Variants in NUP214 observed in about 807,000 individuals in gnomAD.
NUP214 encodes nuclear pore complex protein Nup214.
In NUP214, 79 loss-of-function variants were observed where a neutral mutation model predicts 196.2. The observed-to-expected ratio is 0.40, with a 90% CI of 0.34 to 0.49. The LOEUF (loss-of-function observed/expected upper bound fraction) is 0.49, where lower values mean the gene tolerates loss of function less well. Among genes scored for constraint, NUP214 ranks in the 20% least tolerant of loss-of-function variants. The pLI is 0.58. For synonymous variants in NUP214, 1,020 were observed against 990.5 expected (o/e 1.03, Z -0.56); for missense variants, 2,468 against 2,539.0 (o/e 0.97, Z 0.60).
intron 27 of NUP214, among the ~76,000 whole-genome samples, chr9:131,194,430 G>C (rs184385636): frequency 1.3e-5 from 2 of 152,038 alleles, no homozygotes; most frequent in East Asian, 1.9e-4. Context: ...TAGAAACAGG[G>C]TTCCACCATG....
Position 131,163,121 on chromosome 9 carries a change from A to T in NUP214, c.2671A>T (p.Thr891Ser), listed in dbSNP as rs1832690725. The T allele has an allele frequency of 1.2e-6, 2 of 1,614,044 alleles. No individual in the cohort carries two copies. The highest frequency in any genetic ancestry group is 1.7e-6 in the Non-Finnish European group (2 of 1,180,020). ...TCAGCAGCTCCGCCTTTACAAACAGACTTCCCTGTGGAGCCTGTCCTCGGC... is the reference window on the plus strand; with the variant it reads ...TCAGCAGCTCCGCCTTTACAAACAGTCTTCCCTGTGGAGCCTGTCCTCGGC... Reference protein sequence around the residue: ...SLQQLRLYKQTSLWSLSSAVP... With the variant: ...SLQQLRLYKQSSLWSLSSAVP... Residue 891 changes from threonine to serine, a missense_variant, in exon 19 of 36, where the codon ACT becomes TCT. By Grantham distance (58) the Thr-to-Ser change is moderately conservative (BLOSUM62 1). This residue lies in a region of NUP214 where 1,801 missense variants were observed against 1,779.4 expected (regional missense o/e 1.01). Coordinates refer to ENST00000359428, the MANE Select transcript of NUP214 (RefSeq NM_005085.4).
At position 131,213,775 on chromosome 9, in the gene NUP214, T is replaced by TTGTTGC. The variant is rs1436445150; in HGVS notation, c.5593-1432_5593-1431insCTGTTG. ...ACTGTTGTTGTTGTTGTTGTTGTTG[T>TTGTTGC]TGTTGTTGTTGTTAAGAAATTTAAA... On this transcript the variant is annotated intron_variant, in intron 30 of 35. Coordinates refer to ENST00000359428, the MANE Select transcript of NUP214 (RefSeq NM_005085.4). 7.4e-5 allele frequency among the ~76,000 whole-genome samples: 8 copies of TTGTTGC among 108,242 alleles called. No individual in the cohort carries two copies. The South Asian group carries it at 3.0e-3, about 40-fold the overall frequency. 71.0% of individuals were successfully genotyped at this position (108,242 alleles called of 152,430 possible).
At chr9:131,196,204 G>C (rs1180103269) in intron 28 of NUP214, among the ~76,000 whole-genome samples, 3 of 151,874 alleles carry the variant, frequency 2.0e-5, no homozygotes, top group Non-Finnish European at 4.4e-5. Context: ...TGTCATCCAG[G>C]CTGGAGTGTA....
intron 23 of NUP214, 86 bp downstream of exon 23, chr9:131,175,707 T>G (rs1833095695): frequency 2.7e-6 from 4 of 1,493,276 alleles, no homozygotes; most frequent in Non-Finnish European, 3.6e-6. Flanking sequence ...CAAGAAACAG[T>G]GGGCGCTCTT....
At chr9:131,200,427 T>C (rs1200973767) in intron 29 of NUP214, among the ~76,000 whole-genome samples, 2 of 151,890 alleles carry the variant, frequency 1.3e-5, no homozygotes, top group Non-Finnish European at 1.5e-5. Flanking sequence ...AACACAAACA[T>C]TGCCGGGCGC....
In NUP214 at chr9:131,146,400, G is replaced by T; in HGVS notation, c.1945+96G>T. ...GTCGTAGCTAACATAGTTGGACAAG[G>T]TTATTTTTTCTTGCTTCCTGTATCA... On this transcript the variant is annotated intron_variant, in intron 13 of 35. Transcript: ENST00000359428. This position sits in a 1 kb window ranked among gnomAD's most constrained non-coding sequence, Gnocchi z 4.6. The T allele has an allele frequency of 7.8e-7, 1 of 1,274,842 alleles. No individual in the cohort carries two copies. Among genetic ancestry groups the T allele is most frequent in the Non-Finnish European group, 1.1e-6 (1 of 904,000 alleles). The allele number at this position is 1,274,842 out of a possible 1,614,324, so 79.0% of individuals were successfully genotyped here. A position where few individuals can be genotyped will look rare whatever the true frequency, so the allele number is the denominator to read the frequency against.
chr9:131,146,424 C>A lies in NUP214; in HGVS notation c.1945+120C>A. ...GGTTATTTTTTCTTGCTTCCTGTAT[C>A]ATACATTAATGATTAATGTGCTGTG... On this transcript the variant is annotated intron_variant, in intron 13 of 35. Coordinates refer to ENST00000359428, the MANE Select transcript of NUP214 (RefSeq NM_005085.4). This position sits in a 1 kb window ranked among gnomAD's most constrained non-coding sequence, Gnocchi z 4.6. 1 of 981,772 alleles carries A rather than the reference C, an allele frequency of 1.0e-6. No individual in the cohort carries two copies. The highest frequency in any genetic ancestry group is 1.5e-6 in the Non-Finnish European group (1 of 650,600). The allele number at this position is 981,772 out of a possible 1,614,324, so 60.8% of individuals were successfully genotyped here.
Position 131,230,583 on chromosome 9 carries a change from T to C in NUP214, c.6075-47T>C, listed in dbSNP as rs376059897. 119 of 1,609,216 alleles carry C rather than the reference T, an allele frequency of 7.4e-5. 1 individual carries two copies. In the African/African-American group the frequency reaches 1.6e-3, roughly 21 times the overall value. On this transcript the variant is annotated intron_variant, in intron 33 of 35. Coordinates refer to ENST00000359428, the MANE Select transcript of NUP214 (RefSeq NM_005085.4). ...GGGCTGAGGCTTGCAGATGGGCAAG[T>C]GGTGAGAGGCCCCACTGACCTCAGT...
chr9:131,144,519 G>T lies in NUP214; in HGVS notation c.1534G>T (p.Ala512Ser), dbSNP rs1471744261. 2 of 1,614,150 alleles carry T rather than the reference G, an allele frequency of 1.2e-6. No individual in the cohort carries two copies. The highest frequency in any genetic ancestry group is 4.5e-5 in the East Asian group (2 of 44,880). ...YSSGSDSSKA[A>S]PGPGPSTFSF... is the part of the protein sequence containing the mutation. ...CAGTGGCTCCGACAGCTCCAAAGCA[G>T]CCCCAGGCCCTGGCCCATCAACCTT... The change falls in exon 12 of 36, where the codon GCC becomes TCC. Residue 512 changes from alanine to serine, a missense_variant. Physicochemically the swap from Ala to Ser is moderately conservative, Grantham distance 99. Around this residue, in one of 5 missense-constraint regions of NUP214, gnomAD observed 1,801 missense variants for 1,779.4 expected, o/e 1.01. Coordinates refer to ENST00000359428, the MANE Select transcript of NUP214 (RefSeq NM_005085.4).
At chr9:131,189,240 A>T (rs369348925) in intron 26 of NUP214, 109 bp downstream of exon 26, 1 of 889,414 alleles carries the variant, frequency 1.1e-6, no homozygotes. Context: ...GTCACATTTG[A>T]TGAGATCGGG....
chr9:131,229,762 G>T, intron 33 of NUP214: 1 of 518,980 alleles, frequency 1.9e-6, no homozygotes, highest in South Asian at 1.4e-5. Context: ...CTGGGAGAAA[G>T]TCCAATGAGA....
chr9:131,218,280 A>G (rs1834458961), intron 31 of NUP214, among the ~76,000 whole-genome samples: 1 of 152,190 alleles, frequency 6.6e-6, no homozygotes, highest in African/African-American at 2.4e-5. Context: ...AGGGACAGGA[A>G]TTGTTTTAAC....
chr9:131,128,576 T>C, intron 3 of NUP214, 93 bp downstream of exon 3: 1 of 1,090,154 alleles, frequency 9.2e-7, no homozygotes, highest in Non-Finnish European at 1.3e-6. Flanking sequence ...AGGTTAACCC[T>C]TGAAGTTTCT....
chr9:131,139,240 T>TTTC (rs750793721), intron 9 of NUP214, 41 bp from the exon 10 acceptor site: 102 of 1,451,312 alleles, frequency 7.0e-5, no homozygotes, highest in South Asian at 4.8e-4. Context: ...CTTTTTCTTT[T>TTTC]TTCTTCTTCT....
At chr9:131,193,629 C>CTTTTTTTTTTTTTT (rs71389402) in intron 27 of NUP214, among the ~76,000 whole-genome samples, 736 of 28,216 alleles carry the variant, frequency 0.026, 249 homozygotes, top group Non-Finnish European at 0.033. Context: ...TCTTCCTTTT[C>CTTTTTTTTTTTTTT]TTTTTTTTTT....
At chr9:131,224,616 TA>T (rs1225879267) in intron 32 of NUP214, among the ~76,000 whole-genome samples, 1 of 152,216 alleles carries the variant, frequency 6.6e-6, no homozygotes, top group East Asian at 1.9e-4. Context: ...ATTTAGAGCC[TA>T]AAGTGCTGTG....
chr9:131,200,880 C>CTT (rs1260313586), intron 29 of NUP214, among the ~76,000 whole-genome samples: 1 of 151,454 alleles, frequency 6.6e-6, no homozygotes, highest in African/African-American at 2.4e-5. Context: ...AATGTGGTAT[C>CTT]TGAGATTCAG....
chr9:131,141,091 T>C (rs1482909082), intron 11 of NUP214, among the ~76,000 whole-genome samples: 7 of 149,922 alleles, frequency 4.7e-5, no homozygotes, highest in Non-Finnish European at 1.0e-4. Context: ...GTACCAATTA[T>C]AAATGTTATA....
intron 27 of NUP214, chr9:131,193,881 C>T (rs938124451): frequency 6.6e-6 from 1 of 150,716 alleles, no homozygotes; most frequent in African/African-American, 2.4e-5. Context: ...GAACTCCTGG[C>T]CTCAAGTGAT....
Sources: allele counts gnomAD v4.1 joint callset (sites outside exome capture counted in the v4.1 genomes callset), GRCh38; gene constraint gnomAD v4.1.1; regional missense constraint gnomAD v4.1.1; non-coding constraint Gnocchi (gnomAD v3.1); transcripts MANE v1.5; gene names NCBI Gene and HGNC (gene_info 2026-07-23, HGNC 2026-07-21).